YWHAQ: variants seen among roughly 807,000 people sequenced by gnomAD.
YWHAQ encodes tyrosine 3-monooxygenase/tryptophan 5-monooxygenase activation protein theta, also known as 14-3-3 protein theta.
A neutral mutation model predicts 28.3 loss-of-function variants in YWHAQ; 6 were observed. The ratio of observed to expected loss-of-function variants is 0.21; its 90% confidence interval spans 0.12 to 0.42. The LOEUF (loss-of-function observed/expected upper bound fraction) is 0.42. Among genes scored for constraint, YWHAQ ranks in the 10% least tolerant of loss-of-function variants. YWHAQ has a pLI of 1.00. For missense variants in YWHAQ, 201 were observed against 305.6 expected (o/e 0.66, Z 2.55); for synonymous variants, 143 against 119.1 (o/e 1.20, Z -1.31).
At chr2:9,600,225 G>C (rs1666661565) in intron 2 of YWHAQ, among the ~76,000 whole-genome samples, 1 of 152,166 alleles carries the variant, frequency 6.6e-6, no homozygotes, top group Non-Finnish European at 1.5e-5. Context: ...CAAAGAAAGT[G>C]GTTTCTTGAG....
At chr2:9,607,471 T>C (rs1448594268) in intron 2 of YWHAQ, among the ~76,000 whole-genome samples, 1 of 151,934 alleles carries the variant, frequency 6.6e-6, no homozygotes, top group Non-Finnish European at 1.5e-5. Context: ...CTTCCCAAAG[T>C]GCTAGGATTA....
chr2:9,615,781 G>A (rs1300392546), intron 2 of YWHAQ, among the ~76,000 whole-genome samples: 1 of 152,100 alleles, frequency 6.6e-6, no homozygotes, highest in Admixed American at 6.5e-5. Flanking sequence ...CTGTAAAGGA[G>A]GGCTCTACAA....
intron 3 of YWHAQ, among the ~76,000 whole-genome samples, chr2:9,590,763 A>G (rs1666439754): frequency 6.6e-6 from 1 of 152,206 alleles, no homozygotes. Context: ...TTTTATGACC[A>G]CTACTTGATT....
chr2:9,614,212 C>CACAT (rs2125070846), intron 2 of YWHAQ, among the ~76,000 whole-genome samples: 1 of 152,338 alleles, frequency 6.6e-6, no homozygotes, highest in African/African-American at 2.4e-5. Flanking sequence ...CCACTGGTGA[C>CACAT]ACATACTACA....
intron 2 of YWHAQ, among the ~76,000 whole-genome samples, chr2:9,592,938 A>C (rs1173055595): frequency 6.6e-6 from 1 of 152,166 alleles, no homozygotes; most frequent in Non-Finnish European, 1.5e-5. Flanking sequence ...TTTGAAAAGC[A>C]CTGCTCTAGG....
At chr2:9,590,618 A>G (rs1184392883) in intron 3 of YWHAQ, among the ~76,000 whole-genome samples, 1 of 152,168 alleles carries the variant, frequency 6.6e-6, no homozygotes, top group Non-Finnish European at 1.5e-5. Context: ...CCAGTATCCC[A>G]AGAGACATTC....
chr2:9,605,227 T>G (rs1000526470), intron 2 of YWHAQ, among the ~76,000 whole-genome samples: 1 of 150,250 alleles, frequency 6.7e-6, no homozygotes, highest in East Asian at 1.9e-4. Flanking sequence ...CAGCAGCAAC[T>G]TCTAGGCTCG....
At chr2:9,616,144 T>C (rs574436860) in intron 2 of YWHAQ, among the ~76,000 whole-genome samples, 7 of 152,314 alleles carry the variant, frequency 4.6e-5, no homozygotes, top group African/African-American at 1.7e-4. Context: ...ACAGAAATCA[T>C]GAGTTTTCCT....
chr2:9,614,210 G>A (rs1346852407), intron 2 of YWHAQ, among the ~76,000 whole-genome samples: 1 of 152,166 alleles, frequency 6.6e-6, no homozygotes, highest in African/African-American at 2.4e-5. Context: ...TTCCACTGGT[G>A]ACACATACTA....
In YWHAQ at chr2:9,584,159, T is replaced by C. The variant is rs1315841033; in HGVS notation, c.*1127A>G. ...AATGCACAATGTGGAAATATAGGTATCACTACTACATTTTACATAAAAGGG... is the reference window on the plus strand; with the variant it reads ...AATGCACAATGTGGAAATATAGGTACCACTACTACATTTTACATAAAAGGG... On this transcript the variant is annotated 3_prime_UTR_variant, in exon 6 of 6. Coordinates refer to ENST00000238081, the MANE Select transcript of YWHAQ (RefSeq NM_006826.4). 1 of 152,646 alleles carries C rather than the reference T, an allele frequency of 6.6e-6. No individual in the cohort carries two copies. The highest frequency in any genetic ancestry group is 1.5e-5 in the Non-Finnish European group (1 of 68,040). The allele number at this position is 152,646 out of a possible 1,614,324, so 9.5% of individuals were successfully genotyped here. A position where few individuals can be genotyped will look rare whatever the true frequency, so the allele number is the denominator to read the frequency against.
intron 2 of YWHAQ, among the ~76,000 whole-genome samples, chr2:9,603,463 C>T (rs561133589): frequency 7.3e-5 from 11 of 151,042 alleles, no homozygotes; most frequent in Middle Eastern, 3.4e-3. Flanking sequence ...TTAGAAGAGA[C>T]GGGGTTTCTC....
In YWHAQ at chr2:9,630,457, G is replaced by GAC. The variant is rs1259804940; in HGVS notation, c.-6_-5insGT. 2 of 1,593,748 alleles carry GAC rather than the reference G, an allele frequency of 1.3e-6. No individual in the cohort carries two copies. The highest frequency in any genetic ancestry group is 1.7e-6 in the Non-Finnish European group (2 of 1,171,856). ...GATCAGCTCAGTCTTCTCCATGGCG[G>GAC]GCGCGGGGCCGGGGCCGGGGCGGAG... On this transcript the variant is annotated 5_prime_UTR_variant, in exon 2 of 6. Coordinates refer to ENST00000238081, the MANE Select transcript of YWHAQ (RefSeq NM_006826.4). The surrounding 1 kb of genome is among the most constrained non-coding windows in gnomAD (Gnocchi z 5.6).
chr2:9,599,504 T>C (rs1666644916), intron 2 of YWHAQ, among the ~76,000 whole-genome samples: 1 of 152,206 alleles, frequency 6.6e-6, no homozygotes, highest in African/African-American at 2.4e-5. Flanking sequence ...GACTTTAAGA[T>C]GAAGCCAATG....
chr2:9,617,763 C>G (rs531089210), intron 2 of YWHAQ, among the ~76,000 whole-genome samples: 8 of 151,390 alleles, frequency 5.3e-5, no homozygotes, highest in Non-Finnish European at 8.8e-5. Flanking sequence ...AAAGTGAGAC[C>G]CCATCTCTAA....
chr2:9,630,424 G>T lies in YWHAQ; in HGVS notation c.29C>A (p.Ala10Asp). Reference protein sequence around the residue: MEKTELIQKAKLAEQAERYD... With the variant: MEKTELIQKDKLAEQAERYD... Reference sequence around the variant, plus strand: ...GCGCTCGGCCTGCTCGGCCAGCTTGGCCTTCTGGATCAGCTCAGTCTTCTC... The same window carrying T: ...GCGCTCGGCCTGCTCGGCCAGCTTGTCCTTCTGGATCAGCTCAGTCTTCTC... The change falls in exon 2 of 6, where the codon GCC (alanine) becomes GAC (aspartate). Residue 10 changes from alanine (A) to aspartate (D), a missense_variant. Transcript: ENST00000238081. The surrounding 1 kb of genome is among the most constrained non-coding windows in gnomAD (Gnocchi z 5.6). 1 of 1,611,998 alleles carries T rather than the reference G, an allele frequency of 6.2e-7. No homozygotes were observed. Among genetic ancestry groups the T allele is most frequent in the Non-Finnish European group, 8.5e-7 (1 of 1,179,896 alleles).
intron 2 of YWHAQ, among the ~76,000 whole-genome samples, chr2:9,618,807 C>T (rs1326858632): frequency 6.6e-6 from 1 of 151,916 alleles, no homozygotes; most frequent in Non-Finnish European, 1.5e-5. Context: ...AGCCACCCTG[C>T]CCAGCCTATG....
chr2:9,591,324 T>G (rs781417057), intron 3 of YWHAQ, 68 bp downstream of exon 3: 1 of 1,560,248 alleles, frequency 6.4e-7, no homozygotes, highest in Non-Finnish European at 8.7e-7. Context: ...TATACTGTCA[T>G]AGTGTCCCAT....
At chr2:9,629,193 A>T (rs755660116) in intron 2 of YWHAQ, among the ~76,000 whole-genome samples, 1 of 152,194 alleles carries the variant, frequency 6.6e-6, no homozygotes, top group African/African-American at 2.4e-5. Context: ...AAAAATAAGT[A>T]GGCCTCTTGT....
rs538669736 is a variant in YWHAQ, at chr2:9,618,339, G to A, written c.294+11820C>T. Among the ~76,000 whole-genome samples the A allele has an allele frequency of 8.3e-4, 127 of 152,204 alleles. 1 individual carries two copies. The highest frequency in any genetic ancestry group is 1.6e-3 in the Non-Finnish European group (106 of 68,022). ...AAAAACAAGATAGCTTCTCTAACAAGGATAGTATCTGCAACTAAGCCAAAT... is the reference window on the plus strand; with the variant it reads ...AAAAACAAGATAGCTTCTCTAACAAAGATAGTATCTGCAACTAAGCCAAAT... On this transcript the variant is annotated intron_variant, in intron 2 of 5. Coordinates refer to ENST00000238081, the MANE Select transcript of YWHAQ (RefSeq NM_006826.4).
Sources: allele counts gnomAD v4.1 joint callset (sites outside exome capture counted in the v4.1 genomes callset), GRCh38; gene constraint gnomAD v4.1.1; non-coding constraint Gnocchi (gnomAD v3.1); transcripts MANE v1.5; gene names NCBI Gene and HGNC (gene_info 2026-07-23, HGNC 2026-07-21).